SVIL: variants seen among roughly 807,000 people sequenced by gnomAD.
The protein encoded by SVIL is archvillin.
SVIL carries 101 observed loss-of-function variants against 240.4 expected under a neutral mutation model. The observed-to-expected ratio is 0.42, with a 90% confidence interval of 0.36 to 0.50. The LOEUF (loss-of-function observed/expected upper bound fraction) is 0.50, where lower values mean the gene tolerates loss of function less well. Among genes scored for constraint, SVIL ranks in the 20% least tolerant of loss-of-function variants. SVIL has a pLI of 0.01. For missense variants in SVIL, 2,512 were observed against 2,818.7 expected (o/e 0.89, Z 2.46); for synonymous variants, 999 against 1,100.0 (o/e 0.91, Z 1.82).
intron 2 of SVIL, among the ~76,000 whole-genome samples, chr10:29,565,575 A>G (rs984746765): frequency 6.6e-6 from 1 of 152,154 alleles, no homozygotes; most frequent in African/African-American, 2.4e-5. Context: ...CTCAGGGCAA[A>G]GCACCTAAAC....
chr10:29,624,064 G>A lies in SVIL; in HGVS notation c.-201+10356C>T, dbSNP rs181086409. 4.0e-4 allele frequency among the ~76,000 whole-genome samples: 60 copies of A among 150,730 alleles called. No individual in the cohort carries two copies. The East Asian group carries it at 0.01, about 26-fold the overall frequency. On this transcript the variant is annotated intron_variant, in intron 1 of 37. Transcript: ENST00000355867. ...AGCAACATATGACTAATCAGAATGT[G>A]ACTTTTCCTCACATGCATTTGTTCT...
intron 33 of SVIL, among the ~76,000 whole-genome samples, chr10:29,466,569 A>T (rs1444121290): frequency 6.6e-6 from 1 of 152,178 alleles, no homozygotes; most frequent in Non-Finnish European, 1.5e-5. Flanking sequence ...AAACTGCATT[A>T]TTGTATAAGG....
intron 3 of SVIL, among the ~76,000 whole-genome samples, chr10:29,555,346 G>GCACACACA (rs1564633097): frequency 2.1e-5 from 2 of 94,096 alleles, no homozygotes; most frequent in African/African-American, 9.1e-5. Flanking sequence ...ACACACACAT[G>GCACACACA]GACACACCCT....
intron 17 of SVIL, among the ~76,000 whole-genome samples, chr10:29,506,633 C>T (rs1399448878): frequency 2.0e-5 from 3 of 146,884 alleles, no homozygotes; most frequent in Non-Finnish European, 4.6e-5. Flanking sequence ...GACAGAGGCC[C>T]TAGAGGGAGG....
At chr10:29,498,604 A>G (rs1948638712) in intron 18 of SVIL, among the ~76,000 whole-genome samples, 1 of 152,316 alleles carries the variant, frequency 6.6e-6, no homozygotes, top group South Asian at 2.1e-4. Context: ...AGAAGATACT[A>G]TTTATGAAGA....
At chr10:29,642,223 ACT>A (rs1419905989) in intron 3 of SVIL, among the ~76,000 whole-genome samples, 3 of 151,814 alleles carry the variant, frequency 2.0e-5, no homozygotes, top group African/African-American at 4.8e-5. Flanking sequence ...ACACAGTGAA[ACT>A]CTGTCTCTAC....
intron 6 of SVIL, among the ~76,000 whole-genome samples, chr10:29,542,244 G>C (rs1952226269): frequency 6.6e-6 from 1 of 152,050 alleles, no homozygotes; most frequent in East Asian, 1.9e-4. Flanking sequence ...GAAAATAGCA[G>C]AACATTCATT....
chr10:29,527,144 C>T (rs1950977697), intron 12 of SVIL, 88 bp from the exon 13 acceptor site: 12 of 1,203,106 alleles, frequency 1.0e-5, no homozygotes, highest in Admixed American at 2.5e-5. Context: ...AATTCAGAAA[C>T]GTTAAATCAA....
chr10:29,549,070 T>C (rs1952965256), intron 6 of SVIL, among the ~76,000 whole-genome samples: 1 of 149,828 alleles, frequency 6.7e-6, no homozygotes, highest in Non-Finnish European at 1.5e-5. Context: ...ACCATCAGAG[T>C]GAACAGGCAA....
At chr10:29,468,662 A>G (rs1945212833) in intron 32 of SVIL, among the ~76,000 whole-genome samples, 1 of 151,894 alleles carries the variant, frequency 6.6e-6, no homozygotes, top group Non-Finnish European at 1.5e-5. Flanking sequence ...GTACATATAT[A>G]TATGGGGTAC....
intron 1 of SVIL, among the ~76,000 whole-genome samples, chr10:29,581,108 G>A (rs1019891404): frequency 6.6e-6 from 1 of 152,196 alleles, no homozygotes; most frequent in Non-Finnish European, 1.5e-5. Flanking sequence ...GATGATGGCT[G>A]GAGTGAAATT....
intron 1 of SVIL, among the ~76,000 whole-genome samples, chr10:29,605,488 T>C (rs1956985953): frequency 6.6e-6 from 1 of 152,322 alleles, no homozygotes; most frequent in South Asian, 2.1e-4. Flanking sequence ...TCTTTCCATA[T>C]GTTTTAGACT....
intron 2 of SVIL, among the ~76,000 whole-genome samples, chr10:29,568,060 G>T (rs950678710): frequency 1.3e-5 from 2 of 150,418 alleles, no homozygotes; most frequent in African/African-American, 4.9e-5. Flanking sequence ...AAGAAACCAA[G>T]CCTCAGATCC....
At chr10:29,605,179 C>T (rs1282244865) in intron 1 of SVIL, among the ~76,000 whole-genome samples, 3 of 152,350 alleles carry the variant, frequency 2.0e-5, no homozygotes, top group African/African-American at 7.2e-5. Context: ...CATTTTCTTA[C>T]AGGTGCATAG....
At chr10:29,478,962 GAGAA>G (rs903411794) in intron 29 of SVIL, among the ~76,000 whole-genome samples, 1 of 146,398 alleles carries the variant, frequency 6.8e-6, no homozygotes, top group Non-Finnish European at 1.5e-5. Flanking sequence ...AACAAAAAGA[GAGAA>G]AGAAATGTCC....
chr10:29,517,180 G>C (rs1950260479), intron 16 of SVIL, among the ~76,000 whole-genome samples: 1 of 152,118 alleles, frequency 6.6e-6, no homozygotes, highest in Admixed American at 6.5e-5. Flanking sequence ...GGAAGGCTGA[G>C]GTGGGAGGAT....
intron 8 of SVIL, 32 bp downstream of exon 8, chr10:29,532,497 C>A: frequency 6.4e-7 from 1 of 1,574,170 alleles, no homozygotes; most frequent in Non-Finnish European, 8.6e-7. Context: ...GTGCAAGTGA[C>A]ACAGCTGGAG....
intron 1 of SVIL, among the ~76,000 whole-genome samples, chr10:29,577,907 A>G (rs1955775080): frequency 1.3e-5 from 2 of 152,238 alleles, no homozygotes; most frequent in Admixed American, 1.3e-4. Flanking sequence ...CATCGATGAA[A>G]GAAATTATAG....
chr10:29,685,229 T>C (rs1960973392), intron 2 of SVIL, among the ~76,000 whole-genome samples: 1 of 152,244 alleles, frequency 6.6e-6, no homozygotes, highest in Non-Finnish European at 1.5e-5. Flanking sequence ...GCTCTATCCA[T>C]GTTGCTGCAA....
Sources: gnomAD v4.1 joint callset for allele counts (sites outside exome capture counted in the v4.1 genomes callset) on GRCh38, gnomAD v4.1.1 for gene constraint, MANE v1.5 for transcripts, NCBI Gene and HGNC (gene_info 2026-07-23, HGNC 2026-07-21) for gene names.